The following KCNIP4 variants were observed in gnomAD, a reference collection of about 807,000 sequenced individuals.
The protein encoded by KCNIP4 is potassium voltage-gated channel interacting protein 4.
KCNIP4 carries 12 observed loss-of-function variants against 34.0 expected under a neutral mutation model. That is an observed-to-expected ratio of 0.35 (90% CI 0.23 to 0.57). KCNIP4 has a LOEUF of 0.57. Ranked by LOEUF, KCNIP4 falls within the 20% of genes least tolerant of loss-of-function variation. The pLI is 0.83. For missense variants in KCNIP4, 238 were observed against 311.7 expected (o/e 0.76, Z 1.78); for synonymous variants, 124 against 102.2 (o/e 1.21, Z -1.29).
chr4:21,530,456 T>C (rs1304185293), intron 1 of KCNIP4, among the ~76,000 whole-genome samples: 1 of 152,170 alleles, frequency 6.6e-6, no homozygotes, highest in Non-Finnish European at 1.5e-5. Context: ...TTATAATATA[T>C]CAATACTTAG....
chr4:21,682,418 A>C (rs1001255147), intron 1 of KCNIP4, among the ~76,000 whole-genome samples: 6 of 152,128 alleles, frequency 3.9e-5, no homozygotes, highest in Non-Finnish European at 5.9e-5. Context: ...CTTAAGGGGG[A>C]GTTGTGGCAG....
intron 1 of KCNIP4, among the ~76,000 whole-genome samples, chr4:21,346,502 G>A (rs570334281): frequency 2.5e-4 from 38 of 151,052 alleles, no homozygotes; most frequent in Middle Eastern, 6.8e-3. Flanking sequence ...TAACAAATAG[G>A]ATTTGGAAGA....
chr4:21,666,079 T>C (rs1024426984), intron 1 of KCNIP4, among the ~76,000 whole-genome samples: 3 of 152,230 alleles, frequency 2.0e-5, no homozygotes, highest in African/African-American at 7.2e-5. Flanking sequence ...CTCCTGCCTA[T>C]AGAAGAATTT....
At chr4:21,100,713 C>A (rs1453123002) in intron 1 of KCNIP4, among the ~76,000 whole-genome samples, 1 of 152,066 alleles carries the variant, frequency 6.6e-6, no homozygotes, top group Non-Finnish European at 1.5e-5. Flanking sequence ...TTTTGGCAAT[C>A]AAGTATTTTA....
chr4:21,196,537 T>A (rs572482618), intron 1 of KCNIP4, among the ~76,000 whole-genome samples: 3 of 152,320 alleles, frequency 2.0e-5, no homozygotes, highest in Admixed American at 2.0e-4. Context: ...TTCAAATTTA[T>A]CTGTGCAAGA....
chr4:20,818,274 C>T (rs1716665541), intron 3 of KCNIP4, among the ~76,000 whole-genome samples: 1 of 152,130 alleles, frequency 6.6e-6, no homozygotes, highest in South Asian at 2.1e-4. Flanking sequence ...CTATGAGTAG[C>T]AATAGAATAG....
chr4:21,900,057 A>G (rs897865722), intron 1 of KCNIP4, among the ~76,000 whole-genome samples: 1 of 152,198 alleles, frequency 6.6e-6, no homozygotes, highest in African/African-American at 2.4e-5. Flanking sequence ...GTACTAGCAG[A>G]CACATAGACC....
intron 1 of KCNIP4, among the ~76,000 whole-genome samples, chr4:21,650,841 T>C (rs1467964387): frequency 1.3e-5 from 2 of 152,182 alleles, no homozygotes; most frequent in Non-Finnish European, 2.9e-5. Flanking sequence ...TGAAAAGCTC[T>C]CGTGGTTGTA....
At chr4:21,138,979 C>A (rs780070745) in intron 1 of KCNIP4, among the ~76,000 whole-genome samples, 32 of 152,144 alleles carry the variant, frequency 2.1e-4, no homozygotes, top group Non-Finnish European at 4.6e-4. Flanking sequence ...ACCTCCAAAA[C>A]GATAAGGTAA....
intron 2 of KCNIP4, among the ~76,000 whole-genome samples, chr4:20,863,955 C>A (rs1255594602): frequency 6.7e-6 from 1 of 150,114 alleles, no homozygotes. Context: ...TATATATACA[C>A]ACACACATAC....
chr4:20,925,225 C>A (rs1269883991), intron 1 of KCNIP4, among the ~76,000 whole-genome samples: 1 of 152,070 alleles, frequency 6.6e-6, no homozygotes, highest in Non-Finnish European at 1.5e-5. Flanking sequence ...TGACTATTGG[C>A]TATTTGAATC....
At chr4:21,128,830 T>C (rs1750829581) in intron 1 of KCNIP4, among the ~76,000 whole-genome samples, 1 of 152,216 alleles carries the variant, frequency 6.6e-6, no homozygotes, top group Non-Finnish European at 1.5e-5. Context: ...TTTAGATAAG[T>C]CTTGTGTTAA....
chr4:21,288,809 G>T (rs1267512082), intron 1 of KCNIP4, among the ~76,000 whole-genome samples: 1 of 152,164 alleles, frequency 6.6e-6, no homozygotes, highest in Non-Finnish European at 1.5e-5. Context: ...TTATACATAT[G>T]TATGAGAACA....
At chr4:21,441,352 C>T (rs549040209) in intron 1 of KCNIP4, among the ~76,000 whole-genome samples, 9 of 151,854 alleles carry the variant, frequency 5.9e-5, no homozygotes, top group Non-Finnish European at 1.2e-4. Context: ...ACCGTGTTAG[C>T]CAGGATGGTC....
intron 1 of KCNIP4, among the ~76,000 whole-genome samples, chr4:21,209,759 A>G (rs1166153916): frequency 6.6e-6 from 1 of 152,168 alleles, no homozygotes; most frequent in East Asian, 1.9e-4. Context: ...TGTTGAGAAT[A>G]TAGTAGGTAC....
intron 1 of KCNIP4, among the ~76,000 whole-genome samples, chr4:21,309,452 C>A (rs1170819779): frequency 6.6e-6 from 1 of 152,038 alleles, no homozygotes; most frequent in Non-Finnish European, 1.5e-5. Flanking sequence ...ACTTGTAGCC[C>A]ATAAATATAT....
intron 3 of KCNIP4, among the ~76,000 whole-genome samples, chr4:20,802,332 T>G (rs374908658): frequency 2.0e-5 from 3 of 150,602 alleles, no homozygotes; most frequent in Admixed American, 2.0e-4. Context: ...CACACACGTC[T>G]CCAACATTGG....
chr4:21,273,887 T>A (rs1162570263), intron 1 of KCNIP4, among the ~76,000 whole-genome samples: 2 of 152,178 alleles, frequency 1.3e-5, no homozygotes, highest in Non-Finnish European at 2.9e-5. Flanking sequence ...AAGGTGTGTG[T>A]CTCCATTTGA....
intron 1 of KCNIP4, among the ~76,000 whole-genome samples, chr4:21,081,722 A>T (rs1399361481): frequency 2.6e-5 from 4 of 151,876 alleles, no homozygotes; most frequent in Non-Finnish European, 5.9e-5. Context: ...CATCATATGC[A>T]TTATATGCCA....
Sources: allele counts gnomAD v4.1 joint callset (sites outside exome capture counted in the v4.1 genomes callset), GRCh38; gene constraint gnomAD v4.1.1; transcripts MANE v1.5; gene names NCBI Gene and HGNC (gene_info 2026-07-23, HGNC 2026-07-21).